SYT1: variants seen among roughly 807,000 people sequenced by gnomAD.
SYT1 encodes synaptotagmin 1, also known as synaptotagmin-1.
In SYT1, 8 loss-of-function variants were observed where a neutral mutation model predicts 44.8. The observed-to-expected ratio is 0.18, with a 90% CI of 0.10 to 0.32. The LOEUF (loss-of-function observed/expected upper bound fraction) is 0.32. SYT1 is among the 10% of genes least tolerant of loss of function. The pLI is 1.00. For synonymous variants in SYT1, 154 were observed against 188.8 expected (o/e 0.82, Z 1.51); for missense variants, 286 against 509.3 (o/e 0.56, Z 4.22).
chr12:78,923,377 T>C (rs955950226), intron 1 of SYT1, among the ~76,000 whole-genome samples: 2 of 151,946 alleles, frequency 1.3e-5, no homozygotes, highest in Admixed American at 1.3e-4. Flanking sequence ...CTCCTATTTA[T>C]ATGTGAGACA....
intron 3 of SYT1, among the ~76,000 whole-genome samples, chr12:79,056,499 T>G (rs567327027): frequency 1.3e-5 from 2 of 152,154 alleles, no homozygotes; most frequent in East Asian, 3.9e-4. Context: ...GCTGAATCAG[T>G]ATGCATCACG....
chr12:79,332,677 C>T (rs577810460), intron 8 of SYT1, among the ~76,000 whole-genome samples: 61 of 152,192 alleles, frequency 4.0e-4, no homozygotes, highest in Admixed American at 7.2e-4. Flanking sequence ...GGGAGGTATT[C>T]CCTTGTCATC....
At chr12:79,053,780 TG>T (rs1874721508) in intron 3 of SYT1, among the ~76,000 whole-genome samples, 1 of 151,842 alleles carries the variant, frequency 6.6e-6, no homozygotes, top group African/African-American at 2.4e-5. Flanking sequence ...TTGCCTTAAT[TG>T]TTTTTGGAGT....
intron 9 of SYT1, among the ~76,000 whole-genome samples, chr12:79,356,109 C>T (rs772562059): frequency 7.9e-5 from 12 of 151,418 alleles, no homozygotes; most frequent in Admixed American, 1.3e-4. Context: ...TGAGCCACGG[C>T]GCGTCTGGGA....
chr12:79,384,111 G>A (rs962134941), intron 9 of SYT1, among the ~76,000 whole-genome samples: 2 of 152,082 alleles, frequency 1.3e-5, no homozygotes, highest in Non-Finnish European at 2.9e-5. Context: ...GAGTTTAATA[G>A]TTACAGCAAA....
At chr12:79,248,089 T>A (rs1202318526) in intron 4 of SYT1, among the ~76,000 whole-genome samples, 1 of 152,232 alleles carries the variant, frequency 6.6e-6, no homozygotes, top group Non-Finnish European at 1.5e-5. Context: ...ACAGTCCATT[T>A]AAATCTTCCT....
intron 3 of SYT1, among the ~76,000 whole-genome samples, chr12:79,179,498 T>G (rs142751617): frequency 5.2e-4 from 58 of 111,536 alleles, no homozygotes; most frequent in Non-Finnish European, 5.9e-4. Context: ...TATATCTATA[T>G]AGATATAGAT....
intron 4 of SYT1, among the ~76,000 whole-genome samples, chr12:79,228,139 T>A (rs949617684): frequency 6.6e-6 from 1 of 151,924 alleles, no homozygotes; most frequent in African/African-American, 2.4e-5. Flanking sequence ...CTAGCAAAAT[T>A]CCATACATCG....
chr12:79,247,901 G>A (rs1346656523), intron 4 of SYT1, among the ~76,000 whole-genome samples: 1 of 152,196 alleles, frequency 6.6e-6, no homozygotes, highest in Non-Finnish European at 1.5e-5. Flanking sequence ...AGTAATAAGA[G>A]CCATCTTGGC....
At chr12:79,022,622 TATTA>T (rs1402322428) in intron 2 of SYT1, among the ~76,000 whole-genome samples, 2 of 151,586 alleles carry the variant, frequency 1.3e-5, no homozygotes, top group African/African-American at 2.4e-5. Context: ...GTTTTAAATA[TATTA>T]ATTATGTTAC....
intron 2 of SYT1, among the ~76,000 whole-genome samples, chr12:79,031,036 A>C (rs550244535): frequency 6.6e-6 from 1 of 151,236 alleles, no homozygotes; most frequent in South Asian, 2.1e-4. Flanking sequence ...TATATATTCC[A>C]GAAAGAATGA....
At chr12:79,018,716 C>T (rs1265302493) in intron 2 of SYT1, among the ~76,000 whole-genome samples, 2 of 151,884 alleles carry the variant, frequency 1.3e-5, no homozygotes, top group Admixed American at 6.6e-5. Flanking sequence ...AAAAGTTGCT[C>T]CTTATGGGTA....
chr12:79,159,936 G>A (rs185655155), intron 3 of SYT1, among the ~76,000 whole-genome samples: 1 of 152,048 alleles, frequency 6.6e-6, no homozygotes, highest in Non-Finnish European at 1.5e-5. Context: ...ATTGATCACT[G>A]GTTCCAGCCA....
intron 5 of SYT1, among the ~76,000 whole-genome samples, chr12:79,291,458 C>T (rs1320130090): frequency 1.3e-5 from 2 of 151,946 alleles, no homozygotes; most frequent in African/African-American, 2.4e-5. Flanking sequence ...TGTTTTTTTC[C>T]TCTTTTTCAT....
At chr12:78,880,902 C>T (rs192755216) in intron 1 of SYT1, among the ~76,000 whole-genome samples, 174 of 151,720 alleles carry the variant, frequency 1.1e-3, no homozygotes, top group Non-Finnish European at 1.7e-3. Flanking sequence ...TCACCTTCAT[C>T]CTACTGAATT....
intron 1 of SYT1, among the ~76,000 whole-genome samples, chr12:78,921,676 C>A (rs1877010973): frequency 6.6e-6 from 1 of 151,936 alleles, no homozygotes; most frequent in African/African-American, 2.4e-5. Flanking sequence ...GCTGCCTTGA[C>A]ACAGTCATAT....
chr12:79,265,586 G>A (rs1849536942), intron 4 of SYT1, among the ~76,000 whole-genome samples: 1 of 152,088 alleles, frequency 6.6e-6, no homozygotes, highest in Non-Finnish European at 1.5e-5. Context: ...TATGGAAAGA[G>A]TATGAAAGCT....
intron 9 of SYT1, among the ~76,000 whole-genome samples, chr12:79,363,280 G>T (rs980438169): frequency 2.0e-5 from 3 of 151,946 alleles, no homozygotes; most frequent in Admixed American, 2.0e-4. Flanking sequence ...GAAACATGTA[G>T]CAAAAGTCGG....
intron 2 of SYT1, among the ~76,000 whole-genome samples, chr12:79,000,310 T>C (rs1913625): frequency 6.8e-6 from 1 of 146,444 alleles, no homozygotes; most frequent in African/African-American, 2.6e-5. Context: ...TTTTTTTTTT[T>C]GTGACAGAGT....
Sources: allele counts gnomAD v4.1 joint callset (sites outside exome capture counted in the v4.1 genomes callset), GRCh38; gene constraint gnomAD v4.1.1; transcripts MANE v1.5; gene names NCBI Gene and HGNC (gene_info 2026-07-23, HGNC 2026-07-21).